PCMTD1: variants seen among roughly 807,000 people sequenced by gnomAD.
PCMTD1 encodes protein-L-isoaspartate O-methyltransferase domain-containing protein 1.
Under a neutral mutation model 37.6 loss-of-function variants are expected in PCMTD1, and 12 were observed. The ratio of observed to expected loss-of-function variants is 0.32; its 90% confidence interval spans 0.20 to 0.52. The LOEUF is 0.52. Ranked by LOEUF, PCMTD1 falls within the 20% of genes least tolerant of loss-of-function variation. The pLI is 0.97. For synonymous variants in PCMTD1, 117 were observed against 135.8 expected, an observed-to-expected ratio of 0.86 and a Z score of 0.96; for missense variants, 235 against 421.3, an observed-to-expected ratio of 0.56 and a Z score of 3.87.
At chr8:51,849,130 G>C (rs1346078809) in intron 2 of PCMTD1, 1 of 152,098 alleles carries the variant, frequency 6.6e-6, no homozygotes, top group African/African-American at 2.4e-5. Flanking sequence ...TTCTGAGAAA[G>C]GGGACTAAGA....
At chr8:51,894,891 A>T (rs892792013) in intron 1 of PCMTD1, among the ~76,000 whole-genome samples, 1 of 152,220 alleles carries the variant, frequency 6.6e-6, no homozygotes, top group Non-Finnish European at 1.5e-5. Flanking sequence ...TCATTAATAT[A>T]AACAAGCAAG....
intron 1 of PCMTD1, among the ~76,000 whole-genome samples, chr8:51,862,104 T>C (rs1009144502): frequency 8.5e-5 from 13 of 152,218 alleles, no homozygotes; most frequent in African/African-American, 1.2e-4. Flanking sequence ...TTTTAAAAAT[T>C]AGTTGATTTT....
At chr8:51,851,658 CT>C (rs11287024) in intron 2 of PCMTD1, among the ~76,000 whole-genome samples, 70,573 of 142,456 alleles carry the variant, frequency 0.5, 20,371 homozygotes, top group Non-Finnish European at 0.66. Context: ...GACTCAAATT[CT>C]TTTTTTTTTT....
intron 1 of PCMTD1, among the ~76,000 whole-genome samples, chr8:51,864,018 C>T (rs917102625): frequency 6.6e-6 from 1 of 151,902 alleles, no homozygotes; most frequent in Non-Finnish European, 1.5e-5. Context: ...CAACAATATG[C>T]CGCCTATGAA....
intron 3 of PCMTD1, among the ~76,000 whole-genome samples, chr8:51,836,565 T>C (rs1318995000): frequency 1.3e-5 from 2 of 152,142 alleles, no homozygotes; most frequent in African/African-American, 4.8e-5. Context: ...AATACATTTA[T>C]TAAATAAATG....
chr8:51,859,971 C>G (rs1180574279), intron 2 of PCMTD1, among the ~76,000 whole-genome samples: 1 of 152,124 alleles, frequency 6.6e-6, no homozygotes, highest in Non-Finnish European at 1.5e-5. Flanking sequence ...ACAGTAGCGG[C>G]CAGTGAATAT....
At chr8:51,882,135 AAGATCAAAGTGCCAAC>A in intron 1 of PCMTD1, among the ~76,000 whole-genome samples, 1 of 152,316 alleles carries the variant, frequency 6.6e-6, no homozygotes, top group South Asian at 2.1e-4. Context: ...CTAGAAGTCC[AAGATCAAAGTGCCAAC>A]AGAATCACTT....
At chr8:51,888,714 T>C (rs1237047873) in intron 1 of PCMTD1, among the ~76,000 whole-genome samples, 3 of 152,226 alleles carry the variant, frequency 2.0e-5, no homozygotes, top group Admixed American at 6.5e-5. Flanking sequence ...AACAAATTAA[T>C]GTTACTGGTA....
intron 3 of PCMTD1, among the ~76,000 whole-genome samples, chr8:51,840,161 C>T (rs908889850): frequency 3.3e-5 from 5 of 152,136 alleles, no homozygotes; most frequent in Admixed American, 3.3e-4. Context: ...AATACAGTTA[C>T]TGTTCATTAA....
intron 1 of PCMTD1, chr8:51,870,505 T>A (rs2038623915): frequency 6.6e-6 from 1 of 152,240 alleles, no homozygotes; most frequent in Non-Finnish European, 1.5e-5. Flanking sequence ...CTTTACTCTA[T>A]ATTCAATGAT....
chr8:51,864,017 G>T (rs988684560), intron 1 of PCMTD1, among the ~76,000 whole-genome samples: 5 of 151,798 alleles, frequency 3.3e-5, no homozygotes, highest in Admixed American at 1.3e-4. Context: ...CCAACAATAT[G>T]CCGCCTATGA....
At chr8:51,887,804 C>T (rs555256394) in intron 1 of PCMTD1, among the ~76,000 whole-genome samples, 213 of 148,808 alleles carry the variant, frequency 1.4e-3, no homozygotes, top group African/African-American at 4.9e-3. Flanking sequence ...TGCAGTGGCA[C>T]GATCTCAGCT....
At chr8:51,832,477 T>C (rs1043577800) in intron 4 of PCMTD1, among the ~76,000 whole-genome samples, 1 of 152,180 alleles carries the variant, frequency 6.6e-6, no homozygotes, top group Non-Finnish European at 1.5e-5. Context: ...AACCCCAAGA[T>C]GTATAAACTC....
At chr8:51,886,627 A>T (rs951495859) in intron 1 of PCMTD1, among the ~76,000 whole-genome samples, 2 of 152,228 alleles carry the variant, frequency 1.3e-5, no homozygotes, top group African/African-American at 4.8e-5. Context: ...CCCCCATTTA[A>T]ACACAGCTGC....
At chr8:51,868,453 A>C (rs2129289024) in intron 1 of PCMTD1, among the ~76,000 whole-genome samples, 1 of 152,226 alleles carries the variant, frequency 6.6e-6, no homozygotes, top group South Asian at 2.1e-4. Flanking sequence ...CTGGGGGTGA[A>C]AACAGGTGAA....
rs7011496 is a variant in PCMTD1 at position 51,842,617 on chromosome 8, C to T, written c.410+3044G>A. Among the ~76,000 whole-genome samples, 296 of 151,996 alleles carry T rather than the reference C, an allele frequency of 1.9e-3. 2 individuals are homozygous for T. The highest frequency in any genetic ancestry group is 6.9e-3 in the African/African-American group (287 of 41,482). The stretch of plus-strand genomic sequence containing the variant: ...TATGATTATAGTGTCAGCCACCACA[C>T]CCAGCCTATATTTGTATTCTTAAAA... On this transcript the variant is annotated intron_variant, in intron 3 of 5. Coordinates refer to ENST00000522514, the MANE Select transcript of PCMTD1 (RefSeq NM_052937.4).
At position 51,898,945 on chromosome 8, in the gene PCMTD1, C is replaced by G; in HGVS notation, c.-111G>C. ...GCGGCGTTACCTGTGGCGCGGGCAG[C>G]GGCGCGCAGGCCAGGCGCTAGGACT... On this transcript the variant is annotated 5_prime_UTR_variant, in exon 1 of 6. Coordinates refer to ENST00000522514, the MANE Select transcript of PCMTD1 (RefSeq NM_052937.4). 7.1e-7 allele frequency: 1 copy of G among 1,411,524 alleles called. No homozygotes were observed. Among genetic ancestry groups the G allele is most frequent in the Non-Finnish European group, 9.2e-7 (1 of 1,083,758 alleles). 87.4% of individuals were successfully genotyped at this position (1,411,524 alleles called of 1,614,324 possible). A position where few individuals can be genotyped will look rare whatever the true frequency, so the allele number is the denominator to read the frequency against.
Position 51,817,796 on chromosome 8 carries a change from T to G in PCMTD1, c.*2555A>C, listed in dbSNP as rs1264479331. The G allele has an allele frequency of 2.2e-6, 1 of 456,070 alleles. No homozygotes were observed. Among genetic ancestry groups the G allele is most frequent in the East Asian group, 6.9e-5 (1 of 14,398 alleles). The allele number at this position is 456,070 out of a possible 1,614,324, so 28.3% of individuals were successfully genotyped here. A position where few individuals can be genotyped will look rare whatever the true frequency, so the allele number is the denominator to read the frequency against. On this transcript the variant is annotated 3_prime_UTR_variant, in exon 6 of 6. Transcript: ENST00000522514. Reference sequence around the variant, plus strand: ...TAAGCAGTATAGATTTAAATTATCTTCTTGGGTTGGTCTGAGGTTGCTGAT... The same window carrying G: ...TAAGCAGTATAGATTTAAATTATCTGCTTGGGTTGGTCTGAGGTTGCTGAT...
chr8:51,834,384 T>C (rs189242529), intron 3 of PCMTD1, among the ~76,000 whole-genome samples: 1 of 152,312 alleles, frequency 6.6e-6, no homozygotes, highest in Admixed American at 6.5e-5. Context: ...TTCCTGGTAA[T>C]AGTGTTGGTT....
Sources: gnomAD v4.1 joint callset for allele counts (sites outside exome capture counted in the v4.1 genomes callset) on GRCh38, gnomAD v4.1.1 for gene constraint, MANE v1.5 for transcripts, NCBI Gene and HGNC (gene_info 2026-07-23, HGNC 2026-07-21) for gene names.